Variants in RYR2 observed in about 807,000 individuals in gnomAD.
The protein encoded by RYR2 is ryanodine receptor 2.
A neutral mutation model predicts 601.1 loss-of-function variants in RYR2; 227 were observed. The observed-to-expected ratio is 0.38, with a 90% CI of 0.34 to 0.42. The LOEUF (loss-of-function observed/expected upper bound fraction) is 0.42. Among genes scored for constraint, RYR2 ranks in the 10% least tolerant of loss-of-function variants. The pLI, the probability that RYR2 is intolerant of heterozygous loss-of-function variation, is 1.00. For synonymous variants in RYR2, 2,223 were observed against 2,175.1 expected (o/e 1.02, Z -0.61); for missense variants, 4,646 against 6,156.5 (o/e 0.75, Z 8.21).
intron 1 of RYR2, among the ~76,000 whole-genome samples, chr1:237,135,350 C>T (rs1672648945): frequency 6.6e-6 from 1 of 151,780 alleles, no homozygotes; most frequent in South Asian, 2.1e-4. Flanking sequence ...GTCCAGCATC[C>T]CCTTGTTGGT....
chr1:237,521,637 T>C (rs1276182612), intron 24 of RYR2, among the ~76,000 whole-genome samples: 1 of 151,978 alleles, frequency 6.6e-6, no homozygotes, highest in Non-Finnish European at 1.5e-5. Context: ...GGAGAATTGC[T>C]TGAACCCAGG....
At chr1:237,422,546 T>C (rs1335076832) in intron 11 of RYR2, among the ~76,000 whole-genome samples, 2 of 152,232 alleles carry the variant, frequency 1.3e-5, no homozygotes, top group African/African-American at 4.8e-5. Flanking sequence ...AATATTAAAA[T>C]GTAAAGTATA....
At chr1:237,163,068 T>C (rs1444890066) in intron 1 of RYR2, among the ~76,000 whole-genome samples, 1 of 152,204 alleles carries the variant, frequency 6.6e-6, no homozygotes, top group African/African-American at 2.4e-5. Context: ...GGTTGAACAA[T>C]AGCACACACT....
chr1:237,196,109 A>G (rs1680532183), intron 1 of RYR2, among the ~76,000 whole-genome samples: 1 of 152,190 alleles, frequency 6.6e-6, no homozygotes, highest in Admixed American at 6.5e-5. Flanking sequence ...TGTCAAGTTA[A>G]TGGCAGCTTA....
At chr1:237,600,222 A>G (rs556704139) in intron 34 of RYR2, among the ~76,000 whole-genome samples, 3 of 152,292 alleles carry the variant, frequency 2.0e-5, no homozygotes, top group Admixed American at 2.0e-4. Context: ...ACTTGAAACT[A>G]TACTACAAAG....
intron 34 of RYR2, among the ~76,000 whole-genome samples, chr1:237,598,422 C>T (rs1676123662): frequency 6.6e-6 from 1 of 152,042 alleles, no homozygotes; most frequent in African/African-American, 2.4e-5. Flanking sequence ...TGTTAGGCCA[C>T]AAAATAAATC....
chr1:237,091,240 G>A (rs988780047), intron 1 of RYR2, among the ~76,000 whole-genome samples: 7 of 152,128 alleles, frequency 4.6e-5, no homozygotes, highest in African/African-American at 9.7e-5. Flanking sequence ...CTCTTACAGC[G>A]TGAACTTCAC....
At chr1:237,073,839 C>T (rs1299831665) in intron 1 of RYR2, among the ~76,000 whole-genome samples, 1 of 146,420 alleles carries the variant, frequency 6.8e-6, no homozygotes, top group African/African-American at 2.6e-5. Context: ...CCACTGTACT[C>T]CAGCCTGGGC....
At chr1:237,302,100 C>A (rs1290369380) in intron 2 of RYR2, among the ~76,000 whole-genome samples, 2 of 152,074 alleles carry the variant, frequency 1.3e-5, no homozygotes. Context: ...TATATTATTG[C>A]AATATGTGTT....
intron 56 of RYR2, among the ~76,000 whole-genome samples, chr1:237,662,909 G>A (rs1683937806): frequency 6.6e-6 from 1 of 152,200 alleles, no homozygotes; most frequent in Admixed American, 6.5e-5. Context: ...GTACCTTTGT[G>A]TACTTGATCT....
chr1:237,244,104 G>A (rs1297164118), intron 1 of RYR2, among the ~76,000 whole-genome samples: 1 of 152,134 alleles, frequency 6.6e-6, no homozygotes, highest in Non-Finnish European at 1.5e-5. Context: ...AGAGTGGATG[G>A]CTCCCTCTGA....
At chr1:237,436,362 C>T (rs1316577750) in intron 12 of RYR2, among the ~76,000 whole-genome samples, 2 of 150,888 alleles carry the variant, frequency 1.3e-5, no homozygotes, top group Admixed American at 6.6e-5. Flanking sequence ...TAGACCCCTT[C>T]AGCATGAGAA....
intron 2 of RYR2, among the ~76,000 whole-genome samples, chr1:237,299,408 A>T (rs974812888): frequency 3.3e-5 from 5 of 152,206 alleles, no homozygotes; most frequent in African/African-American, 1.2e-4. Context: ...CAGTGGGTTA[A>T]TAAGAGAAGG....
At chr1:237,653,669 C>T (rs997896713) in intron 51 of RYR2, among the ~76,000 whole-genome samples, 1 of 152,120 alleles carries the variant, frequency 6.6e-6, no homozygotes, top group African/African-American at 2.4e-5. Flanking sequence ...CGGGTGAAGT[C>T]CCACAATAGG....
At chr1:237,473,324 C>T (rs941320575) in intron 17 of RYR2, among the ~76,000 whole-genome samples, 16 of 151,722 alleles carry the variant, frequency 1.1e-4, no homozygotes, top group South Asian at 6.3e-4. Flanking sequence ...CTGGGGAGGC[C>T]GAGGCATGAG....
intron 1 of RYR2, among the ~76,000 whole-genome samples, chr1:237,258,249 T>G (rs1688187576): frequency 6.7e-6 from 1 of 149,656 alleles, no homozygotes; most frequent in South Asian, 2.1e-4. Context: ...GTATGTGTGG[T>G]TGGATTGTAG....
At chr1:237,777,615 T>G (rs1694770163) in intron 87 of RYR2, among the ~76,000 whole-genome samples, 1 of 152,228 alleles carries the variant, frequency 6.6e-6, no homozygotes, top group African/African-American at 2.4e-5. Flanking sequence ...GGTAGAATTT[T>G]TTCATTGGAA....
intron 30 of RYR2, among the ~76,000 whole-genome samples, chr1:237,590,248 C>G (rs1421089867): frequency 6.6e-6 from 1 of 151,184 alleles, no homozygotes; most frequent in Non-Finnish European, 1.5e-5. Flanking sequence ...AAGTCTATAG[C>G]TCAGACTATG....
At chr1:237,250,171 G>A (rs917509231) in intron 1 of RYR2, among the ~76,000 whole-genome samples, 4 of 152,190 alleles carry the variant, frequency 2.6e-5, no homozygotes, top group African/African-American at 4.8e-5. Flanking sequence ...CTGGGGAGAC[G>A]GGCACACTGC....
Sources: allele counts gnomAD v4.1 joint callset (sites outside exome capture counted in the v4.1 genomes callset), GRCh38; gene constraint gnomAD v4.1.1; transcripts MANE v1.5; gene names NCBI Gene and HGNC (gene_info 2026-07-23, HGNC 2026-07-21).